The following CSMD1 variants were observed in gnomAD, a reference collection of about 807,000 sequenced individuals.
CSMD1 encodes CUB and sushi domain-containing protein 1.
A neutral mutation model predicts 417.5 loss-of-function variants in CSMD1; 213 were observed. The observed-to-expected ratio is 0.51, with a 90% CI of 0.46 to 0.57. The LOEUF (loss-of-function observed/expected upper bound fraction) is 0.57, where lower values mean the gene tolerates loss of function less well. CSMD1 is among the 20% of genes least tolerant of loss of function. The probability of loss-of-function intolerance (pLI) is 0.00; values close to 1 mark genes in which losing one functional copy is unlikely to be tolerated. For synonymous variants in CSMD1, 2,862 were observed against 1,736.8 expected, an observed-to-expected ratio of 1.65 and a Z score of -16.11; for missense variants, 6,923 against 4,529.7, an observed-to-expected ratio of 1.53 and a Z score of -15.17.
At chr8:4,836,903 G>A (rs1009664391) in intron 1 of CSMD1, among the ~76,000 whole-genome samples, 1 of 152,098 alleles carries the variant, frequency 6.6e-6, no homozygotes, top group African/African-American at 2.4e-5. Context: ...CTGAGGCTAT[G>A]GTTGCTGCTG....
Position 4,365,305 on chromosome 8 carries a change from C to G in CSMD1, c.415+54648G>C, listed in dbSNP as rs563267040. 5.3e-5 allele frequency among the ~76,000 whole-genome samples: 8 copies of G among 152,248 alleles called. No individual in the cohort carries two copies. The South Asian group carries it at 1.7e-3, about 32-fold the overall frequency. On this transcript the variant is annotated intron_variant, in intron 3 of 69. Transcript: ENST00000635120. The stretch of plus-strand genomic sequence containing the variant: ...AGTGTAAATAAATTTAGGATTACAC[C>G]TGATTCTGAAAACTGTACAACTAAT...
At chr8:3,830,647 A>T (rs1395550836) in intron 5 of CSMD1, among the ~76,000 whole-genome samples, 1 of 152,186 alleles carries the variant, frequency 6.6e-6, no homozygotes, top group Non-Finnish European at 1.5e-5. Flanking sequence ...GGCCAATATC[A>T]ATGTGCCTAG....
At chr8:3,879,370 T>C (rs576159488) in intron 5 of CSMD1, among the ~76,000 whole-genome samples, 3 of 152,300 alleles carry the variant, frequency 2.0e-5, no homozygotes, top group African/African-American at 4.8e-5. Flanking sequence ...GGAATCTCTA[T>C]AGACATAAAG....
chr8:4,710,759 T>C (rs1251755886), intron 1 of CSMD1, among the ~76,000 whole-genome samples: 3 of 151,548 alleles, frequency 2.0e-5, no homozygotes, highest in African/African-American at 4.8e-5. Flanking sequence ...GCAGGTAAAA[T>C]GCTTGAACCC....
At chr8:4,408,598 T>A (rs1015032919) in intron 3 of CSMD1, among the ~76,000 whole-genome samples, 4 of 152,208 alleles carry the variant, frequency 2.6e-5, no homozygotes, top group Non-Finnish European at 4.4e-5. Context: ...AGGAAGCAAT[T>A]AAGAAATGTC....
At chr8:3,500,759 C>A (rs900896362) in intron 10 of CSMD1, among the ~76,000 whole-genome samples, 1 of 152,190 alleles carries the variant, frequency 6.6e-6, no homozygotes. Context: ...CATGGATAAC[C>A]ATGGCAAGAA....
At chr8:4,094,703 T>TAG (rs1800907613) in intron 3 of CSMD1, among the ~76,000 whole-genome samples, 1 of 152,070 alleles carries the variant, frequency 6.6e-6, no homozygotes, top group Non-Finnish European at 1.5e-5. Flanking sequence ...CGCCGGCTTC[T>TAG]AGAGAGACAG....
chr8:4,284,484 C>T (rs1330950863), intron 3 of CSMD1, among the ~76,000 whole-genome samples: 1 of 151,196 alleles, frequency 6.6e-6, no homozygotes, highest in Non-Finnish European at 1.5e-5. Flanking sequence ...TCTGTTTCCA[C>T]ATGTTGCTTT....
At chr8:4,226,067 GACACACACACACACACACACAC>G (rs67767005) in intron 3 of CSMD1, among the ~76,000 whole-genome samples, 3 of 143,514 alleles carry the variant, frequency 2.1e-5, no homozygotes, top group African/African-American at 5.1e-5. Flanking sequence ...CTGACAGGCG[GACACACACACACACACACACAC>G]ACACACACAC....
At chr8:4,043,759 G>A (rs1170922299) in intron 3 of CSMD1, among the ~76,000 whole-genome samples, 1 of 152,068 alleles carries the variant, frequency 6.6e-6, no homozygotes, top group Non-Finnish European at 1.5e-5. Context: ...ATCTTGCTGA[G>A]CTCTTTCAAA....
intron 5 of CSMD1, among the ~76,000 whole-genome samples, chr8:3,840,808 G>C (rs544032452): frequency 2.7e-5 from 4 of 150,784 alleles, no homozygotes; most frequent in East Asian, 2.0e-4. Context: ...CAATTCTCCT[G>C]TCTCAACCTT....
intron 26 of CSMD1, among the ~76,000 whole-genome samples, chr8:3,231,666 G>C (rs1467414412): frequency 2.0e-5 from 3 of 152,130 alleles, no homozygotes; most frequent in African/African-American, 4.8e-5. Context: ...TTCAGGACAA[G>C]AGAAAATGTT....
chr8:4,194,877 C>G (rs904239681), intron 3 of CSMD1, among the ~76,000 whole-genome samples: 15 of 152,100 alleles, frequency 9.9e-5, no homozygotes, highest in African/African-American at 3.1e-4. Context: ...TTTCATTGGT[C>G]AGCCACATAA....
chr8:3,950,613 C>G (rs1376337279), intron 5 of CSMD1, among the ~76,000 whole-genome samples: 1 of 152,196 alleles, frequency 6.6e-6, no homozygotes, highest in African/African-American at 2.4e-5. Context: ...TAAGTCGTGG[C>G]TCAGCAGGAA....
At chr8:4,199,210 C>T (rs991756816) in intron 3 of CSMD1, among the ~76,000 whole-genome samples, 3 of 144,814 alleles carry the variant, frequency 2.1e-5, no homozygotes, top group African/African-American at 5.2e-5. Flanking sequence ...AATACAATAC[C>T]AAATATCCTC....
intron 3 of CSMD1, among the ~76,000 whole-genome samples, chr8:4,232,681 C>G (rs2128815173): frequency 6.6e-6 from 1 of 152,242 alleles, no homozygotes; most frequent in South Asian, 2.1e-4. Flanking sequence ...CTCACCTAAA[C>G]TGAAGGAGAC....
At chr8:4,101,249 A>G (rs142123621) in intron 3 of CSMD1, among the ~76,000 whole-genome samples, 152 of 152,268 alleles carry the variant, frequency 1.0e-3, no homozygotes, top group African/African-American at 3.6e-3. Context: ...TTCTCCCCTG[A>G]GGTTAACTCA....
At chr8:4,893,631 C>G (rs1033558024) in intron 1 of CSMD1, among the ~76,000 whole-genome samples, 3 of 151,988 alleles carry the variant, frequency 2.0e-5, no homozygotes, top group African/African-American at 2.4e-5. Flanking sequence ...GCTAATTTGC[C>G]AATACATTTT....
chr8:3,278,393 C>T (rs1022011044), intron 26 of CSMD1: 1 of 152,134 alleles, frequency 6.6e-6, no homozygotes, highest in Non-Finnish European at 1.5e-5. Context: ...AATCACACCT[C>T]TAATGCTTAT....
Sources: allele counts gnomAD v4.1 joint callset (sites outside exome capture counted in the v4.1 genomes callset), GRCh38; gene constraint gnomAD v4.1.1; transcripts MANE v1.5; gene names NCBI Gene and HGNC (gene_info 2026-07-23, HGNC 2026-07-21).